The following SPATS2 variants were observed in gnomAD, a reference collection of about 807,000 sequenced individuals.
SPATS2 encodes the protein spermatogenesis associated serine rich 2.
In SPATS2, 38 loss-of-function variants were observed where a neutral mutation model predicts 63.7. The ratio of observed to expected loss-of-function variants is 0.60; its 90% CI spans 0.46 to 0.78. The LOEUF (loss-of-function observed/expected upper bound fraction) is 0.78. SPATS2 is among the 30% of genes least tolerant of loss of function. The pLI is 0.00. For synonymous variants in SPATS2, 207 were observed against 232.9 expected, an observed-to-expected ratio of 0.89 and a Z score of 1.01; for missense variants, 588 against 666.2, an observed-to-expected ratio of 0.88 and a Z score of 1.29.
intron 2 of SPATS2, among the ~76,000 whole-genome samples, chr12:49,426,935 T>TA (rs1299337554): frequency 1.3e-5 from 2 of 152,234 alleles, no homozygotes; most frequent in Non-Finnish European, 2.9e-5. Context: ...GACTTACAGA[T>TA]AATGCTGCTG....
chr12:49,410,434 C>CT (rs1565708357), intron 2 of SPATS2, among the ~76,000 whole-genome samples: 18 of 152,110 alleles, frequency 1.2e-4, no homozygotes. Context: ...TGAATATACC[C>CT]TAGCCACTTT....
intron 6 of SPATS2, among the ~76,000 whole-genome samples, chr12:49,494,101 A>G (rs1946427112): frequency 6.6e-6 from 1 of 152,216 alleles, no homozygotes; most frequent in Non-Finnish European, 1.5e-5. Flanking sequence ...ATAAATTCCT[A>G]GAAGTAGGAT....
At chr12:49,476,209 G>C (rs1025087022) in intron 3 of SPATS2, among the ~76,000 whole-genome samples, 17 of 152,164 alleles carry the variant, frequency 1.1e-4, no homozygotes, top group African/African-American at 4.1e-4. Flanking sequence ...GAACACACAG[G>C]CGGCTGGAGG....
chr12:49,407,426 C>T (rs1343080847), intron 2 of SPATS2, among the ~76,000 whole-genome samples: 2 of 152,156 alleles, frequency 1.3e-5, no homozygotes, highest in African/African-American at 4.8e-5. Context: ...TCAGTTTACT[C>T]CTCTGGCCTG....
At chr12:49,374,022 A>C (rs1430211898) in intron 2 of SPATS2, among the ~76,000 whole-genome samples, 1 of 151,890 alleles carries the variant, frequency 6.6e-6, no homozygotes, top group Non-Finnish European at 1.5e-5. Flanking sequence ...AGAGTTTGAG[A>C]TTGTAGTGAG....
chr12:49,436,890 G>A (rs1219770790), intron 2 of SPATS2, among the ~76,000 whole-genome samples: 13 of 142,774 alleles, frequency 9.1e-5, no homozygotes, highest in African/African-American at 3.4e-4. Context: ...CCCGGACGGG[G>A]CGGCTGGCCG....
chr12:49,467,044 G>GTTTTTTTTT (rs59350335), intron 3 of SPATS2, among the ~76,000 whole-genome samples: 8 of 75,768 alleles, frequency 1.1e-4, no homozygotes, highest in African/African-American at 2.5e-4. Flanking sequence ...TTTGTTCTTT[G>GTTTTTTTTT]TTTTTTTTTT....
intron 2 of SPATS2, among the ~76,000 whole-genome samples, chr12:49,431,723 AGG>A (rs1945189306): frequency 6.6e-6 from 1 of 152,198 alleles, no homozygotes; most frequent in African/African-American, 2.4e-5. Flanking sequence ...CAGCCTTGCA[AGG>A]TAAATTCCTA....
intron 2 of SPATS2, among the ~76,000 whole-genome samples, chr12:49,438,836 C>T (rs543123980): frequency 1.1e-4 from 16 of 152,266 alleles, no homozygotes; most frequent in Non-Finnish European, 2.1e-4. Context: ...AATTTACTGT[C>T]TATCTGCTAT....
At chr12:49,468,361 T>C (rs925288661) in intron 3 of SPATS2, among the ~76,000 whole-genome samples, 2 of 152,142 alleles carry the variant, frequency 1.3e-5, no homozygotes, top group Admixed American at 6.5e-5. Flanking sequence ...GGTTTCACCA[T>C]GTTGGCCAGG....
chr12:49,515,645 T>TA (rs1360540095), intron 10 of SPATS2, among the ~76,000 whole-genome samples: 52 of 152,374 alleles, frequency 3.4e-4, no homozygotes, highest in African/African-American at 1.2e-3. Flanking sequence ...TCCATTATTT[T>TA]ATCTGTATAT....
intron 2 of SPATS2, among the ~76,000 whole-genome samples, chr12:49,456,874 G>T (rs1019307696): frequency 2.0e-5 from 3 of 152,002 alleles, no homozygotes; most frequent in African/African-American, 7.3e-5. Flanking sequence ...TCTTAGATTG[G>T]ATCATTTTTT....
At chr12:49,466,989 T>C (rs1213304838) in intron 3 of SPATS2, among the ~76,000 whole-genome samples, 1 of 151,916 alleles carries the variant, frequency 6.6e-6, no homozygotes, top group African/African-American at 2.4e-5. Flanking sequence ...TTTACAGATT[T>C]AAATGTACAA....
chr12:49,499,712 A>T (rs1440562066), intron 8 of SPATS2, among the ~76,000 whole-genome samples: 1 of 151,668 alleles, frequency 6.6e-6, no homozygotes, highest in Non-Finnish European at 1.5e-5. Flanking sequence ...TAGCCTAGAA[A>T]CTATTGAGGC....
intron 3 of SPATS2, among the ~76,000 whole-genome samples, chr12:49,465,918 T>C (rs1945906199): frequency 6.6e-6 from 1 of 151,912 alleles, no homozygotes; most frequent in South Asian, 2.1e-4. Context: ...CACTCCAGCC[T>C]GGGTGACAGT....
At chr12:49,426,901 G>A (rs1029336169) in intron 2 of SPATS2, among the ~76,000 whole-genome samples, 1 of 152,188 alleles carries the variant, frequency 6.6e-6, no homozygotes, top group African/African-American at 2.4e-5. Context: ...GTTGATTGAT[G>A]TTTAGGTTTG....
At chr12:49,397,113 T>G (rs79945474) in intron 2 of SPATS2, among the ~76,000 whole-genome samples, 13,937 of 152,240 alleles carry the variant, frequency 0.092, 751 homozygotes, top group African/African-American at 0.14. Flanking sequence ...CTGTCTGGAA[T>G]GTTCTTCACT....
chr12:49,428,253 TCAAAAAA>T (rs1945117760), intron 2 of SPATS2, among the ~76,000 whole-genome samples: 1 of 149,628 alleles, frequency 6.7e-6, no homozygotes, highest in East Asian at 1.9e-4. Flanking sequence ...AGACCCCGTC[TCAAAAAA>T]CAAACAAACA....
In SPATS2 at chr12:49,514,544, T is replaced by C; in HGVS notation, c.840-11T>C. ...GATCAAACTTTTTATTCCTTTGTCA[T>C]CTTTTCCTAGTTTAATGGATCGAGA... On this transcript the variant is annotated splice_polypyrimidine_tract_variant and intron_variant, in intron 9 of 13. Coordinates refer to ENST00000552918, the MANE Select transcript of SPATS2 (RefSeq NM_023071.4). 6.2e-7 allele frequency: 1 copy of C among 1,611,766 alleles called. No individual in the cohort carries two copies. Among genetic ancestry groups the C allele is most frequent in the Non-Finnish European group, 8.5e-7 (1 of 1,179,024 alleles).
Sources: allele counts gnomAD v4.1 joint callset (sites outside exome capture counted in the v4.1 genomes callset), GRCh38; gene constraint gnomAD v4.1.1; transcripts MANE v1.5; gene names NCBI Gene and HGNC (gene_info 2026-07-23, HGNC 2026-07-21).